Variants in NTM observed in about 807,000 individuals in gnomAD.
NTM encodes the protein neurotrimin.
NTM carries 13 observed loss-of-function variants against 42.1 expected under a neutral mutation model. The observed-to-expected ratio is 0.31, with a 90% confidence interval of 0.20 to 0.49. The LOEUF (loss-of-function observed/expected upper bound fraction) is 0.49, where lower values mean the gene tolerates loss of function less well. NTM is among the 20% of genes least tolerant of loss of function. The probability of loss-of-function intolerance (pLI) is 0.99; values close to 1 mark genes in which losing one functional copy is unlikely to be tolerated. For missense variants in NTM, 373 were observed against 452.8 expected (o/e 0.82, Z 1.60); for synonymous variants, 187 against 179.2 (o/e 1.04, Z -0.35).
At chr11:131,449,264 C>A (rs558945477) in intron 1 of NTM, among the ~76,000 whole-genome samples, 1 of 152,142 alleles carries the variant, frequency 6.6e-6, no homozygotes, top group Admixed American at 6.5e-5. Flanking sequence ...TGGCTGTAGG[C>A]GGGCATGGGT....
intron 1 of NTM, among the ~76,000 whole-genome samples, chr11:131,898,715 C>T (rs2052671436): frequency 1.3e-5 from 2 of 152,178 alleles, no homozygotes; most frequent in South Asian, 4.1e-4. Context: ...AACTAACTTA[C>T]TCTGATCTTG....
intron 1 of NTM, among the ~76,000 whole-genome samples, chr11:131,411,732 G>C (rs1270505293): frequency 3.3e-5 from 5 of 152,024 alleles, no homozygotes; most frequent in Non-Finnish European, 7.4e-5. Context: ...GTTGTACGTG[G>C]GGATGCCTTT....
intron 1 of NTM, among the ~76,000 whole-genome samples, chr11:131,848,261 A>T (rs964106113): frequency 6.6e-5 from 10 of 152,334 alleles, no homozygotes; most frequent in Admixed American, 2.6e-4. Context: ...GTTACAGCTA[A>T]ACAATCTAAC....
rs80284258 is a variant in NTM at position 132,121,644 on chromosome 11, T to G, written c.168-24638T>G. 3.6e-3 allele frequency among the ~76,000 whole-genome samples: 552 copies of G among 152,334 alleles called. 3 individuals are homozygous for G. Among genetic ancestry groups the G allele is most frequent in the African/African-American group, 0.013 (541 of 41,580 alleles). ...TACCTCAGAACCTTTAATTCTCATT[T>G]TATTTTCCTTTCCCATGAGTCATTT... On this transcript the variant is annotated intron_variant, in intron 2 of 8. Transcript: ENST00000683400.
At chr11:132,295,533 G>A (rs534727780) in intron 4 of NTM, among the ~76,000 whole-genome samples, 3 of 152,320 alleles carry the variant, frequency 2.0e-5, no homozygotes, top group East Asian at 1.9e-4. Context: ...AGGTGGGGAG[G>A]AGGCCCGGAA....
At chr11:131,943,094 A>G (rs2134240195) in intron 2 of NTM, among the ~76,000 whole-genome samples, 1 of 152,294 alleles carries the variant, frequency 6.6e-6, no homozygotes, top group South Asian at 2.1e-4. Flanking sequence ...CATCTGCAGC[A>G]GCCTAGCATG....
intron 3 of NTM, among the ~76,000 whole-genome samples, chr11:132,181,717 A>T (rs1192734858): frequency 1.3e-5 from 2 of 152,206 alleles, no homozygotes; most frequent in African/African-American, 4.8e-5. Context: ...GGCACTATTG[A>T]AACACTGGCA....
At chr11:132,203,640 C>G (rs1356846084) in intron 3 of NTM, among the ~76,000 whole-genome samples, 1 of 152,090 alleles carries the variant, frequency 6.6e-6, no homozygotes. Flanking sequence ...GCCTGTAATC[C>G]CAGCACTTTG....
At chr11:132,224,788 A>T (rs774335014) in intron 4 of NTM, among the ~76,000 whole-genome samples, 15 of 152,186 alleles carry the variant, frequency 9.9e-5, no homozygotes, top group Non-Finnish European at 1.5e-5. Flanking sequence ...GTTGGGGGCC[A>T]AACTGCCAGA....
chr11:131,989,662 A>C (rs933972094), intron 2 of NTM, among the ~76,000 whole-genome samples: 1 of 152,002 alleles, frequency 6.6e-6, no homozygotes, highest in African/African-American at 2.4e-5. Context: ...TGCTCCCAAT[A>C]TTTCAGTAGC....
chr11:132,325,378 A>C (rs1454396567), intron 7 of NTM, among the ~76,000 whole-genome samples: 2 of 152,248 alleles, frequency 1.3e-5, no homozygotes, highest in East Asian at 3.8e-4. Flanking sequence ...ACACTTCTCA[A>C]AAGAAGAGAT....
At chr11:131,499,723 T>C (rs1183592821) in intron 1 of NTM, among the ~76,000 whole-genome samples, 1 of 152,132 alleles carries the variant, frequency 6.6e-6, no homozygotes, top group Non-Finnish European at 1.5e-5. Context: ...TTCTCCAGTG[T>C]TATTAATACG....
intron 4 of NTM, among the ~76,000 whole-genome samples, chr11:132,275,760 ATAT>A (rs570859448): frequency 1.7e-4 from 24 of 138,910 alleles, no homozygotes; most frequent in African/African-American, 6.5e-4. Flanking sequence ...GTATATATAT[ATAT>A]ATGTTATATA....
chr11:132,212,891 T>C (rs1283496116), intron 4 of NTM, among the ~76,000 whole-genome samples: 1 of 151,942 alleles, frequency 6.6e-6, no homozygotes, highest in Non-Finnish European at 1.5e-5. Flanking sequence ...GCACTGGGGG[T>C]TACAGCAATA....
At chr11:132,006,824 A>T (rs71485710) in intron 2 of NTM, among the ~76,000 whole-genome samples, 6,461 of 152,322 alleles carry the variant, frequency 0.042, 156 homozygotes, top group Middle Eastern at 0.11. Flanking sequence ...AGCCTGGGGC[A>T]CCACTGTGGG....
At chr11:131,759,646 C>T (rs1404597959) in intron 1 of NTM, among the ~76,000 whole-genome samples, 1 of 151,700 alleles carries the variant, frequency 6.6e-6, no homozygotes, top group African/African-American at 2.4e-5. Context: ...CCGTGGGAAG[C>T]TAGTTGCCTG....
At chr11:132,271,482 A>T (rs2093473234) in intron 4 of NTM, among the ~76,000 whole-genome samples, 1 of 152,200 alleles carries the variant, frequency 6.6e-6, no homozygotes. Flanking sequence ...ACTATTTTGC[A>T]AAGTTGCTGT....
intron 2 of NTM, among the ~76,000 whole-genome samples, chr11:131,982,986 G>A (rs1181776251): frequency 2.0e-5 from 3 of 152,230 alleles, no homozygotes; most frequent in African/African-American, 7.2e-5. Flanking sequence ...TTAGCTTGCA[G>A]GGCATGCCCA....
chr11:131,501,253 T>C (rs1423533523), intron 1 of NTM, among the ~76,000 whole-genome samples: 1 of 151,988 alleles, frequency 6.6e-6, no homozygotes, highest in Non-Finnish European at 1.5e-5. Flanking sequence ...GTGAGTGTTG[T>C]GAAGAATGTA....
Sources: allele counts gnomAD v4.1 joint callset (sites outside exome capture counted in the v4.1 genomes callset), GRCh38; gene constraint gnomAD v4.1.1; transcripts MANE v1.5; gene names NCBI Gene and HGNC (gene_info 2026-07-23, HGNC 2026-07-21).